The following SMAD3 variants were observed in gnomAD, a reference collection of about 807,000 sequenced individuals.
SMAD3 encodes MAD homolog 3.
Under a neutral mutation model 51.8 loss-of-function variants are expected in SMAD3, and 12 were observed. The ratio of observed to expected loss-of-function variants is 0.23; its 90% CI spans 0.15 to 0.38. SMAD3 has a LOEUF of 0.38. SMAD3 is among the 10% of genes least tolerant of loss of function. The pLI, the probability that SMAD3 is intolerant of heterozygous loss-of-function variation, is 1.00. For missense variants in SMAD3, 294 were observed against 565.6 expected (o/e 0.52, Z 4.87); for synonymous variants, 238 against 227.7 (o/e 1.05, Z -0.41).
At chr15:67,067,446 G>A (rs1462849113) in intron 1 of SMAD3, among the ~76,000 whole-genome samples, 10 of 152,188 alleles carry the variant, frequency 6.6e-5, no homozygotes, top group Non-Finnish European at 1.2e-4. Flanking sequence ...GGGAGAGAGC[G>A]TGTGTGTTGG....
chr15:67,164,342 A>G, intron 1 of SMAD3, among the ~76,000 whole-genome samples: 1 of 139,268 alleles, frequency 7.2e-6, no homozygotes, highest in African/African-American at 2.7e-5. Context: ...AAAAAAAAAA[A>G]AAAGAGGAGG....
intron 1 of SMAD3, among the ~76,000 whole-genome samples, chr15:67,094,308 C>A (rs1035555021): frequency 6.6e-6 from 1 of 152,210 alleles, no homozygotes; most frequent in East Asian, 1.9e-4. Context: ...ACCAGCTGCT[C>A]CTGTTCATCC....
chr15:67,090,536 TG>T (rs1467678396), intron 1 of SMAD3, among the ~76,000 whole-genome samples: 1 of 152,088 alleles, frequency 6.6e-6, no homozygotes, highest in Non-Finnish European at 1.5e-5. Flanking sequence ...AGGATGATGA[TG>T]ATGTCCACTT....
At chr15:67,160,776 A>G in intron 1 of SMAD3, among the ~76,000 whole-genome samples, 1 of 1,632 alleles carries the variant, frequency 6.1e-4, no homozygotes, top group East Asian at 0.056. Context: ...ATCTCAAAAA[A>G]AAAAAAAAAA....
intron 1 of SMAD3, among the ~76,000 whole-genome samples, chr15:67,159,250 T>G (rs1305007104): frequency 6.6e-6 from 1 of 152,088 alleles, no homozygotes; most frequent in Non-Finnish European, 1.5e-5. Flanking sequence ...TTTATATTTT[T>G]TGTAGAGATG....
intron 1 of SMAD3, among the ~76,000 whole-genome samples, chr15:67,128,851 A>G (rs554369532): frequency 4.0e-4 from 61 of 152,348 alleles, no homozygotes; most frequent in African/African-American, 1.4e-3. Context: ...CCAGGATTAC[A>G]GGCCTGAGCC....
At chr15:67,166,619 G>T (rs1595943556) in intron 3 of SMAD3, 160 bp from the exon 4 acceptor site, 1 of 692,760 alleles carries the variant, frequency 1.4e-6, no homozygotes, top group East Asian at 2.7e-5. Flanking sequence ...CAGGGGCGAG[G>T]ACAACAGAAC....
chr15:67,100,540 G>A (rs928853330), intron 1 of SMAD3, among the ~76,000 whole-genome samples: 4 of 151,906 alleles, frequency 2.6e-5, no homozygotes, highest in South Asian at 4.2e-4. Context: ...ATATATTAAT[G>A]TATTAATAAA....
chr15:67,183,000 A>AAATAT (rs61323717), intron 6 of SMAD3, among the ~76,000 whole-genome samples: 8 of 43,648 alleles, frequency 1.8e-4, no homozygotes, highest in African/African-American at 8.2e-4. Flanking sequence ...AAAAAAAAAA[A>AAATAT]ATATATATAT....
intron 1 of SMAD3, among the ~76,000 whole-genome samples, chr15:67,150,772 A>AG (rs1179711751): frequency 1.2e-4 from 14 of 121,268 alleles, no homozygotes; most frequent in African/African-American, 4.5e-4. Context: ...TGCAGTTGTC[A>AG]GGGGAGGGGA....
intron 1 of SMAD3, among the ~76,000 whole-genome samples, chr15:67,119,188 A>T (rs1341299092): frequency 6.6e-6 from 1 of 152,228 alleles, no homozygotes; most frequent in Non-Finnish European, 1.5e-5. Context: ...GCACAGTGAC[A>T]TTGAAGGTGA....
intron 1 of SMAD3, among the ~76,000 whole-genome samples, chr15:67,099,554 G>A (rs1474365105): frequency 6.6e-6 from 1 of 152,178 alleles, no homozygotes; most frequent in African/African-American, 2.4e-5. Flanking sequence ...CTCGCCAGAG[G>A]TCCGCATACA....
chr15:67,088,373 C>G (rs139058581), intron 1 of SMAD3, among the ~76,000 whole-genome samples: 38 of 152,328 alleles, frequency 2.5e-4, no homozygotes, highest in African/African-American at 9.1e-4. Context: ...TATAGAAACA[C>G]TGGGACAGAG....
intron 1 of SMAD3, among the ~76,000 whole-genome samples, chr15:67,163,942 A>G (rs1962498638): frequency 9.9e-6 from 1 of 100,734 alleles, no homozygotes. Context: ...CTGTATCAAA[A>G]GTAAAAAAAA....
intron 3 of SMAD3, 93 bp downstream of exon 3, chr15:67,165,477 C>A (rs1437437057): frequency 1.4e-6 from 2 of 1,457,766 alleles, no homozygotes; most frequent in African/African-American, 1.4e-5. Context: ...GCCCCCTGGC[C>A]GTCCCCCGCT....
intron 1 of SMAD3, among the ~76,000 whole-genome samples, chr15:67,103,863 T>A (rs1277366587): frequency 1.3e-5 from 2 of 152,182 alleles, no homozygotes; most frequent in Non-Finnish European, 2.9e-5. Context: ...GTTGCTGGAT[T>A]GCCATAAACA....
intron 5 of SMAD3, 41 bp from the exon 6 acceptor site, chr15:67,181,200 T>C: frequency 6.6e-7 from 1 of 1,519,106 alleles, no homozygotes; most frequent in East Asian, 2.3e-5. Flanking sequence ...GCATGGGGCT[T>C]GGGACACCCA....
intron 7 of SMAD3, chr15:67,187,107 C>T (rs1595962306): frequency 1.5e-6 from 1 of 645,624 alleles, no homozygotes; most frequent in East Asian, 3.1e-5. Context: ...AGCTTGTGGG[C>T]CAGCCTTCCA....
chr15:67,120,945 C>G (rs1402967080), intron 1 of SMAD3, among the ~76,000 whole-genome samples: 1 of 152,096 alleles, frequency 6.6e-6, no homozygotes, highest in Non-Finnish European at 1.5e-5. Context: ...TCCATCGTGG[C>G]CCAGGGAAGC....
Sources: allele counts gnomAD v4.1 joint callset (sites outside exome capture counted in the v4.1 genomes callset), GRCh38; gene constraint gnomAD v4.1.1; transcripts MANE v1.5; gene names NCBI Gene and HGNC (gene_info 2026-07-23, HGNC 2026-07-21).